Variants in CLIP1 observed in about 807,000 individuals in gnomAD.
CLIP1 encodes CAP-Gly domain-containing linker protein 1.
CLIP1 carries 66 observed loss-of-function variants against 161.6 expected under a neutral mutation model. The observed-to-expected ratio is 0.41, with a 90% CI of 0.33 to 0.50. The LOEUF is 0.50. CLIP1 is among the 20% of genes least tolerant of loss of function. CLIP1 has a pLI of 0.27. For synonymous variants in CLIP1, 598 were observed against 626.2 expected (o/e 0.96, Z 0.67); for missense variants, 1,376 against 1,702.0 (o/e 0.81, Z 3.37).
chr12:122,308,868 C>G (rs1950970601), intron 20 of CLIP1, among the ~76,000 whole-genome samples: 1 of 152,206 alleles, frequency 6.6e-6, no homozygotes, highest in Non-Finnish European at 1.5e-5. Context: ...CCACAAATTG[C>G]ACCATGTCAA....
At chr12:122,297,086 A>G (rs1419408874) in intron 20 of CLIP1, among the ~76,000 whole-genome samples, 1 of 152,152 alleles carries the variant, frequency 6.6e-6, no homozygotes, top group Non-Finnish European at 1.5e-5. Context: ...TTAAAGAAAA[A>G]TATTTCAGAG....
rs370440292 is a variant in CLIP1, at chr12:122,291,226, G to C, written c.3595-2685C>G. Among the ~76,000 whole-genome samples, 286 of 151,188 alleles carry C rather than the reference G, an allele frequency of 1.9e-3. 1 individual carries two copies. The highest frequency in any genetic ancestry group is 6.4e-3 in the African/African-American group (264 of 41,132). The stretch of plus-strand genomic sequence containing the variant: ...TTTTTTTGAGACAGAGTCTCACTCT[G>C]TCACCTAGGCTGGAGTGCAGTGGCG... On this transcript the variant is annotated intron_variant, in intron 20 of 25. Coordinates refer to ENST00000620786, the MANE Select transcript of CLIP1 (RefSeq NM_001247997.2).
At chr12:122,382,388 T>C (rs12308903) in intron 1 of CLIP1, among the ~76,000 whole-genome samples, 60,968 of 150,700 alleles carry the variant, frequency 0.4, 14,909 homozygotes, top group Non-Finnish European at 0.53. Flanking sequence ...AGCCAGGCGT[T>C]GTGGCGCGTG....
intron 20 of CLIP1, among the ~76,000 whole-genome samples, chr12:122,308,131 G>A (rs1950939771): frequency 6.6e-6 from 1 of 152,238 alleles, no homozygotes; most frequent in Non-Finnish European, 1.5e-5. Context: ...CAAAGAAACT[G>A]TGGGAAATTC....
At chr12:122,349,318 TCTC>T (rs1397867653) in intron 9 of CLIP1, among the ~76,000 whole-genome samples, 3 of 152,240 alleles carry the variant, frequency 2.0e-5, no homozygotes, top group Non-Finnish European at 4.4e-5. Context: ...TTTAATGTGA[TCTC>T]CTCCCCATTC....
chr12:122,416,991 A>T (rs1472800392), intron 1 of CLIP1, among the ~76,000 whole-genome samples: 2 of 151,704 alleles, frequency 1.3e-5, no homozygotes. Context: ...TCTTGAGGCC[A>T]AGAGTTCCAA....
At chr12:122,305,138 T>C (rs2136457794) in intron 20 of CLIP1, among the ~76,000 whole-genome samples, 1 of 152,242 alleles carries the variant, frequency 6.6e-6, no homozygotes, top group East Asian at 1.9e-4. Context: ...TCTGTTCCCA[T>C]AGTGATAGCT....
chr12:122,316,515 A>G (rs1951278445), intron 19 of CLIP1, among the ~76,000 whole-genome samples: 1 of 151,948 alleles, frequency 6.6e-6, no homozygotes, highest in Non-Finnish European at 1.5e-5. Flanking sequence ...CCCCAAAGTC[A>G]CATCTGAATC....
intron 5 of CLIP1, among the ~76,000 whole-genome samples, chr12:122,357,835 C>G (rs1264656690): frequency 1.3e-5 from 2 of 151,288 alleles, no homozygotes; most frequent in African/African-American, 4.9e-5. Context: ...GCCCCCCGCC[C>G]GGCCAGCCGC....
At chr12:122,299,743 C>G (rs1950610957) in intron 20 of CLIP1, among the ~76,000 whole-genome samples, 1 of 151,098 alleles carries the variant, frequency 6.6e-6, no homozygotes, top group Non-Finnish European at 1.5e-5. Context: ...GGTGAAACCC[C>G]GTCTCTACTA....
At chr12:122,364,211 A>T in intron 3 of CLIP1, 104 bp from the exon 4 acceptor site, 1 of 1,374,860 alleles carries the variant, frequency 7.3e-7, no homozygotes, top group Non-Finnish European at 1.0e-6. Flanking sequence ...CATTTCCACC[A>T]GCAACTTCTT....
Position 122,415,818 on chromosome 12 carries a change from C to CA in CLIP1, c.-107+6702dup, listed in dbSNP as rs1244409695. On this transcript the variant is annotated intron_variant, in intron 1 of 25. Coordinates refer to ENST00000620786, the MANE Select transcript of CLIP1 (RefSeq NM_001247997.2). ...TGAGTGACAGAGGGAGACTCCATCT[C>CA]AAAAAAAAACCCATAGATTTTGAAC... Among the ~76,000 whole-genome samples, 81 of 148,826 alleles carry CA rather than the reference C, an allele frequency of 5.4e-4. 1 individual carries two copies. Among genetic ancestry groups the CA allele is most frequent in the Non-Finnish European group, 8.9e-4 (60 of 67,172 alleles).
rs551336148 is a variant in CLIP1 at position 122,278,658 on chromosome 12, T to C, written c.3916+134A>G. Reference sequence around the variant, plus strand: ...GCACATGGGATTAGCCCTTGATTGATTAAGTGGTGGAAGAGCTAAGGAGAG... The same window carrying C: ...GCACATGGGATTAGCCCTTGATTGACTAAGTGGTGGAAGAGCTAAGGAGAG... On this transcript the variant is annotated intron_variant, in intron 23 of 25. Coordinates refer to ENST00000620786, the MANE Select transcript of CLIP1 (RefSeq NM_001247997.2). The C allele has an allele frequency of 1.1e-4, 103 of 917,224 alleles. 1 individual carries two copies. The South Asian group carries it at 2.0e-3, about 18-fold the overall frequency. 56.8% of individuals were successfully genotyped at this position (917,224 alleles called of 1,614,324 possible).
rs771238668 is a variant in CLIP1, at chr12:122,309,889, G to A, written c.3474-7C>T. ...TGCCTGCTTTAGGGTTTCTCTGCAA[G>A]GACAGTGAGTGCAGGGTTACCATAG... On this transcript the variant is annotated splice_region_variant and splice_polypyrimidine_tract_variant and intron_variant, in intron 19 of 25. Transcript: ENST00000620786. 3 of 1,613,796 alleles carry A rather than the reference G, an allele frequency of 1.9e-6. No individual in the cohort carries two copies. The South Asian group carries it at 3.3e-5, about 18-fold the overall frequency.
chr12:122,375,968 T>G (rs1954705659), intron 3 of CLIP1, among the ~76,000 whole-genome samples: 1 of 151,992 alleles, frequency 6.6e-6, no homozygotes, highest in Non-Finnish European at 1.5e-5. Context: ...ATATGGAGTC[T>G]TGCTTTGTTG....
At chr12:122,403,458 G>C (rs1956206038) in intron 1 of CLIP1, among the ~76,000 whole-genome samples, 1 of 146,838 alleles carries the variant, frequency 6.8e-6, no homozygotes, top group African/African-American at 2.5e-5. Context: ...TGTGGCTGGA[G>C]ATTTAAGGCC....
rs368235261 is a variant in CLIP1 at position 122,315,336 on chromosome 12, A to G, written c.3473+1413T>C. The stretch of plus-strand genomic sequence containing the variant: ...TACCTACCATGAAAGACAAAGACAC[A>G]CTCCAATGTTCACCAGGTGAATTAG... On this transcript the variant is annotated intron_variant, in intron 19 of 25. Coordinates refer to ENST00000620786, the MANE Select transcript of CLIP1 (RefSeq NM_001247997.2). Among the ~76,000 whole-genome samples the G allele has an allele frequency of 3.9e-5, 6 of 152,256 alleles. No individual in the cohort carries two copies. In the East Asian group the frequency reaches 7.7e-4, roughly 20 times the overall value.
intron 20 of CLIP1, among the ~76,000 whole-genome samples, chr12:122,306,771 G>GAAAAA (rs898461335): frequency 6.6e-6 from 1 of 150,654 alleles, no homozygotes; most frequent in Non-Finnish European, 1.5e-5. Context: ...ATTTGAGGCA[G>GAAAAA]AAAAAAAAAG....
chr12:122,283,404 C>A (rs762758489), intron 21 of CLIP1, among the ~76,000 whole-genome samples: 47 of 151,924 alleles, frequency 3.1e-4, no homozygotes, highest in Admixed American at 5.2e-4. Context: ...AGAAAAAAAA[C>A]CCCACAGCAA....
Sources: allele counts gnomAD v4.1 joint callset (sites outside exome capture counted in the v4.1 genomes callset), GRCh38; gene constraint gnomAD v4.1.1; transcripts MANE v1.5; gene names NCBI Gene and HGNC (gene_info 2026-07-23, HGNC 2026-07-21).